Variants in ATG5 observed in about 807,000 individuals in gnomAD.
ATG5 encodes autophagy protein 5.
Under a neutral mutation model 36.5 loss-of-function variants are expected in ATG5, and 14 were observed. That is an observed-to-expected ratio of 0.38 (90% confidence interval 0.25 to 0.60). The LOEUF (loss-of-function observed/expected upper bound fraction) is 0.60. Among genes scored for constraint, ATG5 ranks in the 20% least tolerant of loss-of-function variants. The pLI is 0.60. For synonymous variants in ATG5, 95 were observed against 101.5 expected, an observed-to-expected ratio of 0.94 and a Z score of 0.38; for missense variants, 195 against 326.7, an observed-to-expected ratio of 0.60 and a Z score of 3.11.
chr6:106,319,086 T>G (rs1234990528), intron 1 of ATG5, among the ~76,000 whole-genome samples: 1 of 152,212 alleles, frequency 6.6e-6, no homozygotes, highest in African/African-American at 2.4e-5. Context: ...ATTTAACTTC[T>G]CTATTTCTGT....
At chr6:106,272,755 T>C (rs1252477995) in intron 5 of ATG5, among the ~76,000 whole-genome samples, 2 of 152,306 alleles carry the variant, frequency 1.3e-5, no homozygotes, top group East Asian at 1.9e-4. Context: ...TAATCCACAC[T>C]ACTACGGTCC....
At position 106,212,103 on chromosome 6, in the gene ATG5, T is replaced by C. The variant is rs543995289; in HGVS notation, c.574-10014A>G. Among the ~76,000 whole-genome samples the C allele has an allele frequency of 4.6e-5, 7 of 152,344 alleles. 1 individual carries two copies. In the South Asian group the frequency reaches 1.4e-3, roughly 32 times the overall value. ...AAGAATATAATTAGATTTGCCTAACTATATAAGTAGTACTATGTGTTATTT... is the reference window on the plus strand; with the variant it reads ...AAGAATATAATTAGATTTGCCTAACCATATAAGTAGTACTATGTGTTATTT... On this transcript the variant is annotated intron_variant, in intron 6 of 7. Coordinates refer to ENST00000369076, the MANE Select transcript of ATG5 (RefSeq NM_004849.4).
intron 3 of ATG5, among the ~76,000 whole-genome samples, chr6:106,299,971 G>C (rs1018888842): frequency 6.6e-6 from 1 of 152,162 alleles, no homozygotes; most frequent in African/African-American, 2.4e-5. Context: ...GTAATTTGAT[G>C]ATTGCTGTGA....
At chr6:106,219,120 T>G (rs1368336488) in intron 6 of ATG5, among the ~76,000 whole-genome samples, 1 of 152,214 alleles carries the variant, frequency 6.6e-6, no homozygotes, top group Non-Finnish European at 1.5e-5. Context: ...TTCTTTTGTT[T>G]TATAACTATG....
chr6:106,313,764 ATAT>A (rs3840139), intron 2 of ATG5, among the ~76,000 whole-genome samples: 17,783 of 152,200 alleles, frequency 0.12, 1,133 homozygotes, highest in African/African-American at 0.17. Context: ...AGCAAGGGAC[ATAT>A]TATCTGAACT....
intron 6 of ATG5, among the ~76,000 whole-genome samples, chr6:106,242,357 C>G (rs770323924): frequency 2.0e-5 from 3 of 152,052 alleles, no homozygotes; most frequent in Non-Finnish European, 4.4e-5. Flanking sequence ...AAGCCTGTCA[C>G]AAAAAGGCAA....
intron 6 of ATG5, among the ~76,000 whole-genome samples, chr6:106,234,980 GTTA>G (rs1330208660): frequency 6.0e-5 from 9 of 150,354 alleles, no homozygotes; most frequent in Non-Finnish European, 1.1e-4. Flanking sequence ...GAAGAATGTT[GTTA>G]TTATGTTATT....
intron 7 of ATG5, among the ~76,000 whole-genome samples, chr6:106,191,822 T>C (rs548624002): frequency 6.6e-6 from 1 of 152,272 alleles, no homozygotes; most frequent in Non-Finnish European, 1.5e-5. Context: ...AAAGAGCGAT[T>C]GTAATTCTCT....
At chr6:106,317,695 T>C (rs1312857381) in intron 1 of ATG5, among the ~76,000 whole-genome samples, 1 of 152,174 alleles carries the variant, frequency 6.6e-6, no homozygotes, top group Non-Finnish European at 1.5e-5. Context: ...TTCATATCAT[T>C]CCACACTGAT....
intron 2 of ATG5, among the ~76,000 whole-genome samples, chr6:106,313,187 A>T (rs28446008): frequency 6.6e-6 from 1 of 152,218 alleles, no homozygotes. Flanking sequence ...TTATAACAGG[A>T]GGGAAAGAGA....
At chr6:106,305,574 CA>C (rs1452897318) in intron 3 of ATG5, among the ~76,000 whole-genome samples, 2 of 152,074 alleles carry the variant, frequency 1.3e-5, no homozygotes, top group Non-Finnish European at 2.9e-5. Flanking sequence ...TGAGTTGTCT[CA>C]ACTGGCGACT....
chr6:106,235,774 G>C (rs1267414473), intron 6 of ATG5, among the ~76,000 whole-genome samples: 1 of 94,972 alleles, frequency 1.1e-5, no homozygotes, highest in Non-Finnish European at 2.0e-5. Flanking sequence ...CTTTGTATGG[G>C]AGCTCTCTCT....
intron 5 of ATG5, among the ~76,000 whole-genome samples, chr6:106,274,416 T>G (rs1417430074): frequency 6.6e-6 from 1 of 152,192 alleles, no homozygotes; most frequent in Non-Finnish European, 1.5e-5. Flanking sequence ...TATTTCTCTT[T>G]CACAGAGTTC....
chr6:106,223,264 A>T (rs1237768938), intron 6 of ATG5, among the ~76,000 whole-genome samples: 1 of 152,228 alleles, frequency 6.6e-6, no homozygotes, highest in African/African-American at 2.4e-5. Flanking sequence ...TTATAACATG[A>T]CAATTGTTTT....
At chr6:106,221,070 T>C (rs192192917) in intron 6 of ATG5, among the ~76,000 whole-genome samples, 1 of 152,218 alleles carries the variant, frequency 6.6e-6, no homozygotes, top group Admixed American at 6.5e-5. Context: ...TGTCAACCAA[T>C]GAAAAATGGG....
At chr6:106,313,404 G>A (rs539971698) in intron 2 of ATG5, among the ~76,000 whole-genome samples, 10 of 152,292 alleles carry the variant, frequency 6.6e-5, no homozygotes, top group South Asian at 6.2e-4. Context: ...TAAACGGATC[G>A]CTGCCTAATG....
chr6:106,312,005 T>C (rs1770663976), intron 2 of ATG5, among the ~76,000 whole-genome samples: 1 of 152,096 alleles, frequency 6.6e-6, no homozygotes, highest in South Asian at 2.1e-4. Flanking sequence ...TAATTTTTTG[T>C]ATTTTTAGTA....
chr6:106,192,687 T>C (rs538632825), intron 7 of ATG5, among the ~76,000 whole-genome samples: 48 of 152,370 alleles, frequency 3.2e-4, no homozygotes, highest in African/African-American at 1.2e-3. Context: ...ATTTATATTT[T>C]ATAATTCAGC....
intron 6 of ATG5, among the ~76,000 whole-genome samples, chr6:106,242,334 T>C (rs1170926399): frequency 1.3e-5 from 2 of 152,152 alleles, no homozygotes; most frequent in Non-Finnish European, 2.9e-5. Context: ...GAGGACATCA[T>C]GATATGCGAA....
Sources: allele counts gnomAD v4.1 joint callset (sites outside exome capture counted in the v4.1 genomes callset), GRCh38; gene constraint gnomAD v4.1.1; transcripts MANE v1.5; gene names NCBI Gene and HGNC (gene_info 2026-07-23, HGNC 2026-07-21).